RIMS1: variants seen among roughly 807,000 people sequenced by gnomAD.
RIMS1 encodes the protein regulating synaptic membrane exocytosis protein 1.
A neutral mutation model predicts 214.1 loss-of-function variants in RIMS1; 83 were observed. That is an observed-to-expected ratio of 0.39 (90% CI 0.32 to 0.47). RIMS1 has a LOEUF of 0.47. RIMS1 is among the 20% of genes least tolerant of loss of function. RIMS1 has a pLI of 0.99. For synonymous variants in RIMS1, 793 were observed against 786.8 expected, an observed-to-expected ratio of 1.01 and a Z score of -0.13; for missense variants, 2,050 against 2,161.8, an observed-to-expected ratio of 0.95 and a Z score of 1.03.
intron 11 of RIMS1, among the ~76,000 whole-genome samples, chr6:72,246,335 T>C (rs997731064): frequency 1.3e-5 from 2 of 152,142 alleles, no homozygotes; most frequent in African/African-American, 4.8e-5. Flanking sequence ...TCATTAAACA[T>C]AATAGGTCAA....
At chr6:72,069,718 T>C (rs774927197) in intron 2 of RIMS1, among the ~76,000 whole-genome samples, 4 of 152,218 alleles carry the variant, frequency 2.6e-5, no homozygotes, top group African/African-American at 4.8e-5. Flanking sequence ...TCTTACAGTA[T>C]CTTTGAGCGT....
At chr6:72,267,330 A>T (rs1354839027) in intron 22 of RIMS1, among the ~76,000 whole-genome samples, 3 of 152,146 alleles carry the variant, frequency 2.0e-5, no homozygotes, top group Admixed American at 6.6e-5. Context: ...TAGTAAAACA[A>T]GGATAGAAAT....
chr6:72,184,005 A>G (rs1403649705), intron 6 of RIMS1, among the ~76,000 whole-genome samples: 4 of 152,232 alleles, frequency 2.6e-5, no homozygotes, highest in Non-Finnish European at 5.9e-5. Context: ...TGTAGTGCAT[A>G]CTGTATTACT....
At chr6:72,284,236 T>G (rs1339165049) in intron 24 of RIMS1, 118 bp downstream of exon 24, 2 of 734,238 alleles carry the variant, frequency 2.7e-6, no homozygotes, top group African/African-American at 1.7e-5. Context: ...TTAAAGGCAT[T>G]CATGTAACTA....
At position 72,207,496 on chromosome 6, in the gene RIMS1, G is replaced by T. The variant is rs538319764; in HGVS notation, c.1678+24347G>T. Among the ~76,000 whole-genome samples the T allele has an allele frequency of 1.9e-4, 29 of 152,212 alleles. 1 individual carries two copies. In the South Asian group the frequency reaches 5.8e-3, roughly 31 times the overall value. Reference sequence around the variant, plus strand: ...TTTTTTTTGTGGAGAAATAGCTGATGTCCATGACTATACCTAGGAAGCAAC... The same window carrying T: ...TTTTTTTTGTGGAGAAATAGCTGATTTCCATGACTATACCTAGGAAGCAAC... On this transcript the variant is annotated intron_variant, in intron 6 of 33. Transcript: ENST00000521978.
At chr6:72,260,234 G>C (rs1563196462) in intron 18 of RIMS1, among the ~76,000 whole-genome samples, 1 of 152,026 alleles carries the variant, frequency 6.6e-6, no homozygotes, top group East Asian at 1.9e-4. Flanking sequence ...CAATTATATT[G>C]TTAGTTGGTT....
At chr6:72,310,359 A>C (rs1054966349) in intron 27 of RIMS1, among the ~76,000 whole-genome samples, 4 of 152,064 alleles carry the variant, frequency 2.6e-5, no homozygotes, top group Admixed American at 1.3e-4. Context: ...TTGAAAAAGC[A>C]CAACAATGCT....
intron 29 of RIMS1, among the ~76,000 whole-genome samples, chr6:72,370,703 A>G (rs1432004088): frequency 2.6e-5 from 4 of 152,216 alleles, no homozygotes; most frequent in Non-Finnish European, 5.9e-5. Context: ...GAATATTTGT[A>G]CATGTATGGA....
At chr6:72,022,255 A>G (rs1305489571) in intron 2 of RIMS1, among the ~76,000 whole-genome samples, 1 of 152,190 alleles carries the variant, frequency 6.6e-6, no homozygotes, top group African/African-American at 2.4e-5. Context: ...ATTGACAGCA[A>G]AACGTTTAAG....
intron 5 of RIMS1, among the ~76,000 whole-genome samples, chr6:72,181,477 G>A (rs563649756): frequency 1.2e-4 from 18 of 152,178 alleles, no homozygotes; most frequent in Non-Finnish European, 2.6e-4. Flanking sequence ...AGAGAATTTG[G>A]AGCTGTAAAG....
intron 4 of RIMS1, among the ~76,000 whole-genome samples, chr6:72,152,720 A>ATG (rs1491559883): frequency 8.8e-5 from 2 of 22,742 alleles, no homozygotes; most frequent in African/African-American, 6.9e-4. Flanking sequence ...ATATATGTGA[A>ATG]TATATATATA....
chr6:72,364,564 T>G (rs1001349326), intron 29 of RIMS1, among the ~76,000 whole-genome samples: 5 of 152,210 alleles, frequency 3.3e-5, no homozygotes, highest in African/African-American at 1.2e-4. Context: ...CACATAGTCC[T>G]CCAGCCTTAC....
intron 4 of RIMS1, among the ~76,000 whole-genome samples, chr6:72,141,445 C>T (rs2042068171): frequency 6.6e-6 from 1 of 151,778 alleles, no homozygotes; most frequent in Non-Finnish European, 1.5e-5. Context: ...TCTGATAATC[C>T]ATTATTGTGA....
intron 6 of RIMS1, among the ~76,000 whole-genome samples, chr6:72,218,766 A>G (rs1179087553): frequency 6.6e-6 from 1 of 152,214 alleles, no homozygotes; most frequent in Non-Finnish European, 1.5e-5. Context: ...GACGAAAGAA[A>G]AAGAGAAACA....
chr6:72,376,152 T>TA (rs2098371822), intron 29 of RIMS1, among the ~76,000 whole-genome samples: 1 of 152,222 alleles, frequency 6.6e-6, no homozygotes, highest in African/African-American at 2.4e-5. Flanking sequence ...CACATTCTAT[T>TA]AAAAATGTAT....
chr6:72,219,463 A>G (rs1260861725), intron 6 of RIMS1, among the ~76,000 whole-genome samples: 4 of 152,158 alleles, frequency 2.6e-5, no homozygotes, highest in African/African-American at 7.2e-5. Flanking sequence ...GTTAATTTAA[A>G]TAAGTTTTAG....
chr6:72,078,814 C>T (rs1312629241), intron 2 of RIMS1, among the ~76,000 whole-genome samples: 1 of 151,998 alleles, frequency 6.6e-6, no homozygotes, highest in African/African-American at 2.4e-5. Flanking sequence ...AAATGGAAGA[C>T]CTTGAGGCTC....
chr6:72,378,458 G>A (rs754464339), intron 29 of RIMS1, among the ~76,000 whole-genome samples: 2 of 152,098 alleles, frequency 1.3e-5, no homozygotes, highest in Non-Finnish European at 2.9e-5. Flanking sequence ...TCTATAACTT[G>A]TGCAGTACAG....
rs34005394 is a variant in RIMS1 at position 72,210,723 on chromosome 6, C to G, written c.1679-23050C>G. On this transcript the variant is annotated intron_variant, in intron 6 of 33. Coordinates refer to ENST00000521978, the MANE Select transcript of RIMS1 (RefSeq NM_014989.7). Reference sequence around the variant, plus strand: ...TTGAATTCAAATTCTGGTGTTGCCACTGACTTGATATGTCATTTATCATAC... The same window carrying G: ...TTGAATTCAAATTCTGGTGTTGCCAGTGACTTGATATGTCATTTATCATAC... Among the ~76,000 whole-genome samples, 1,292 of 152,360 alleles carry G rather than the reference C, an allele frequency of 8.5e-3. 9 individuals carry two copies. Among genetic ancestry groups the G allele is most frequent in the Non-Finnish European group, 0.014 (966 of 68,030 alleles).
Sources: gnomAD v4.1 joint callset for allele counts (sites outside exome capture counted in the v4.1 genomes callset) on GRCh38, gnomAD v4.1.1 for gene constraint, MANE v1.5 for transcripts, NCBI Gene and HGNC (gene_info 2026-07-23, HGNC 2026-07-21) for gene names.